Variants in HS2ST1 observed in about 807,000 individuals in gnomAD.
The protein encoded by HS2ST1 is 2-O-sulfotransferase.
Under a neutral mutation model 42.9 loss-of-function variants are expected in HS2ST1, and 18 were observed. That is an observed-to-expected ratio of 0.42 (90% CI 0.29 to 0.62). HS2ST1 has a LOEUF of 0.62. HS2ST1 is among the 20% of genes least tolerant of loss of function. HS2ST1 has a pLI of 0.21. For synonymous variants in HS2ST1, 146 were observed against 152.9 expected, an observed-to-expected ratio of 0.95 and a Z score of 0.33; for missense variants, 334 against 433.8, an observed-to-expected ratio of 0.77 and a Z score of 2.04.
At position 87,104,633 on chromosome 1, in the gene HS2ST1, T is replaced by C. The variant is rs1434553105; in HGVS notation, c.1008T>C (p.Asp336=). ...FIRAHAVREK[D]GDLYILAQNF... is the part of the protein sequence containing the mutation. ...GAGCCCATGCCGTTCGAGAAAAAGA[T>C]GGAGACCTCTACATCCTCGCACAAA... Residue 336 remains aspartate, a synonymous_variant, in exon 7 of 7, where the codon GAT becomes GAC. Coordinates refer to ENST00000370550, the MANE Select transcript of HS2ST1 (RefSeq NM_012262.4). The C allele has an allele frequency of 1.9e-6, 3 of 1,613,644 alleles. No individual in the cohort carries two copies. The highest frequency in any genetic ancestry group is 2.2e-5 in the South Asian group (2 of 91,078).
At chr1:86,959,438 G>A (rs756936299) in intron 1 of HS2ST1, among the ~76,000 whole-genome samples, 19 of 152,126 alleles carry the variant, frequency 1.2e-4, no homozygotes, top group Non-Finnish European at 2.5e-4. Context: ...TGGGCGGATT[G>A]CCTGAGGTCA....
intron 1 of HS2ST1, among the ~76,000 whole-genome samples, chr1:87,047,682 T>C (rs1174045749): frequency 1.3e-5 from 2 of 152,290 alleles, no homozygotes; most frequent in East Asian, 1.9e-4. Context: ...ATTTTCTTCA[T>C]TGAACTATCC....
At chr1:87,004,780 A>G (rs1012636014) in intron 1 of HS2ST1, among the ~76,000 whole-genome samples, 4 of 152,224 alleles carry the variant, frequency 2.6e-5, no homozygotes, top group Non-Finnish European at 5.9e-5. Flanking sequence ...TTTGAAGAAT[A>G]TTAAGAGTGA....
chr1:87,068,762 C>T (rs896021045), intron 1 of HS2ST1, among the ~76,000 whole-genome samples: 132 of 152,154 alleles, frequency 8.7e-4, no homozygotes, highest in African/African-American at 2.9e-3. Flanking sequence ...ATTCTTGTAA[C>T]GCTATATACT....
chr1:86,967,244 G>A (rs1313092809), intron 1 of HS2ST1, among the ~76,000 whole-genome samples: 6 of 152,098 alleles, frequency 3.9e-5, no homozygotes, highest in African/African-American at 1.2e-4. Context: ...TAAAAGTGGC[G>A]TATTAACTAG....
intron 1 of HS2ST1, among the ~76,000 whole-genome samples, chr1:87,039,343 A>G (rs1338807746): frequency 6.6e-6 from 1 of 152,194 alleles, no homozygotes; most frequent in Non-Finnish European, 1.5e-5. Context: ...CGCGGTGTGG[A>G]CCATAGGTAT....
intron 2 of HS2ST1, among the ~76,000 whole-genome samples, chr1:87,083,802 C>T (rs1332775936): frequency 6.6e-6 from 1 of 152,088 alleles, no homozygotes; most frequent in Admixed American, 6.5e-5. Context: ...GAACAGCAAG[C>T]CTCTGAGAAG....
At chr1:86,974,110 G>C (rs1294315903) in intron 1 of HS2ST1, among the ~76,000 whole-genome samples, 1 of 151,994 alleles carries the variant, frequency 6.6e-6, no homozygotes, top group Non-Finnish European at 1.5e-5. Flanking sequence ...TAAATTTTTG[G>C]GGTGATAGTA....
chr1:87,012,238 A>G (rs1194739710), intron 1 of HS2ST1, among the ~76,000 whole-genome samples: 2 of 152,176 alleles, frequency 1.3e-5, no homozygotes, highest in Non-Finnish European at 2.9e-5. Context: ...CACTGCTAAT[A>G]AAGACATACC....
Position 87,094,495 on chromosome 1 carries a change from T to G in HS2ST1, c.588+1826T>G, listed in dbSNP as rs575558620. Among the ~76,000 whole-genome samples the G allele has an allele frequency of 5.3e-5, 8 of 152,180 alleles. No individual in the cohort carries two copies. The South Asian group carries it at 6.2e-4, about 12-fold the overall frequency. ...CCTCATTTTACAGAAAAGGAAACTG[T>G]GGGGCACAGAAAGGCTAAGTATTTT... On this transcript the variant is annotated intron_variant, in intron 4 of 6. Coordinates refer to ENST00000370550, the MANE Select transcript of HS2ST1 (RefSeq NM_012262.4).
intron 1 of HS2ST1, among the ~76,000 whole-genome samples, chr1:86,984,274 C>A (rs982536996): frequency 6.6e-6 from 1 of 152,060 alleles, no homozygotes; most frequent in African/African-American, 2.4e-5. Context: ...TTCCAATAAG[C>A]CCTAGAAATG....
intron 1 of HS2ST1, among the ~76,000 whole-genome samples, chr1:86,943,661 A>G (rs947975919): frequency 6.6e-6 from 1 of 151,968 alleles, no homozygotes; most frequent in Admixed American, 6.6e-5. Context: ...TTGAGAGTAC[A>G]GTGAGCACTG....
At chr1:86,943,606 C>T (rs550932348) in intron 1 of HS2ST1, among the ~76,000 whole-genome samples, 1 of 151,734 alleles carries the variant, frequency 6.6e-6, no homozygotes, top group East Asian at 1.9e-4. Context: ...CCTGTGGTTC[C>T]AGCTATTTGT....
intron 1 of HS2ST1, among the ~76,000 whole-genome samples, chr1:87,014,132 C>T (rs1462343386): frequency 6.6e-6 from 1 of 152,220 alleles, no homozygotes; most frequent in African/African-American, 2.4e-5. Context: ...CAGCACCCCA[C>T]TACCTCAGTA....
chr1:87,101,133 T>TTGTGTG (rs1276015688), intron 5 of HS2ST1, among the ~76,000 whole-genome samples: 9 of 146,834 alleles, frequency 6.1e-5, no homozygotes, highest in African/African-American at 1.8e-4. Context: ...GTCATCACTT[T>TTGTGTG]TGTGTGTGTG....
rs75821924 is a variant in HS2ST1 at position 87,090,051 on chromosome 1, T to C, written c.450-2480T>C. 1.3e-3 allele frequency among the ~76,000 whole-genome samples: 202 copies of C among 152,084 alleles called. 1 individual carries two copies. The highest frequency in any genetic ancestry group is 4.5e-3 in the African/African-American group (185 of 41,532). On this transcript the variant is annotated intron_variant, in intron 3 of 6. Coordinates refer to ENST00000370550, the MANE Select transcript of HS2ST1 (RefSeq NM_012262.4). Reference sequence around the variant, plus strand: ...TCTTAAGAATGGAATCACTAACCCATTGTCCTGTAATCTCTCCTTGTAGTT... The same window carrying C: ...TCTTAAGAATGGAATCACTAACCCACTGTCCTGTAATCTCTCCTTGTAGTT...
intron 1 of HS2ST1, chr1:87,045,877 T>C: frequency 1.4e-6 from 1 of 701,886 alleles, no homozygotes; most frequent in Non-Finnish European, 2.7e-6. Context: ...GTCTCAGTGC[T>C]GTGAGCTCCT....
intron 1 of HS2ST1, among the ~76,000 whole-genome samples, chr1:86,964,806 G>A (rs934246314): frequency 7.0e-4 from 106 of 152,326 alleles, no homozygotes; most frequent in African/African-American, 2.5e-3. Context: ...AGTTCCTAAA[G>A]GTTACACAGT....
At chr1:87,095,725 C>CTTTTGTTTTG (rs147237837) in intron 4 of HS2ST1, among the ~76,000 whole-genome samples, 9 of 151,978 alleles carry the variant, frequency 5.9e-5, no homozygotes, top group Non-Finnish European at 1.2e-4. Flanking sequence ...GCCCAAAGAG[C>CTTTTGTTTTG]TTTTGTTTTG....
Sources: allele counts gnomAD v4.1 joint callset (sites outside exome capture counted in the v4.1 genomes callset), GRCh38; gene constraint gnomAD v4.1.1; transcripts MANE v1.5; gene names NCBI Gene and HGNC (gene_info 2026-07-23, HGNC 2026-07-21).